Variants in ITGBL1 observed in about 807,000 individuals in gnomAD.
ITGBL1 encodes integrin subunit beta like 1.
Under a neutral mutation model 68.5 loss-of-function variants are expected in ITGBL1, and 51 were observed. The observed-to-expected ratio is 0.74, with a 90% CI of 0.59 to 0.94. The LOEUF (loss-of-function observed/expected upper bound fraction) is 0.94, where lower values mean the gene tolerates loss of function less well. ITGBL1 is among the 40% of genes least tolerant of loss of function. ITGBL1 has a pLI of 0.00. For synonymous variants in ITGBL1, 209 were observed against 227.3 expected (o/e 0.92, Z 0.72); for missense variants, 649 against 647.4 (o/e 1.00, Z -0.03).
intron 4 of ITGBL1, among the ~76,000 whole-genome samples, chr13:101,576,601 A>G (rs943180396): frequency 2.0e-5 from 3 of 152,172 alleles, no homozygotes; most frequent in African/African-American, 7.2e-5. Context: ...CTAGGGCCCA[A>G]TGGGGCCACG....
rs531542866 is a variant in ITGBL1, at chr13:101,598,721, T to C, written c.1015+422T>C. 6.6e-5 allele frequency among the ~76,000 whole-genome samples: 10 copies of C among 152,292 alleles called. No individual in the cohort carries two copies. The South Asian group carries it at 8.3e-4, about 13-fold the overall frequency. On this transcript the variant is annotated intron_variant, in intron 7 of 10. Coordinates refer to ENST00000376180, the MANE Select transcript of ITGBL1 (RefSeq NM_004791.3). ...TGTCCTTGCAATAGTTTGCTGAGAA[T>C]GATGGTTTCCAGTTTCATCCATGTC...
intron 5 of ITGBL1, among the ~76,000 whole-genome samples, chr13:101,582,238 A>G (rs991414058): frequency 1.3e-5 from 2 of 151,784 alleles, no homozygotes; most frequent in Non-Finnish European, 2.9e-5. Context: ...TTTTTTTTAC[A>G]GTGTTTTGTT....
intron 1 of ITGBL1, 100 bp from the exon 2 acceptor site, chr13:101,453,783 G>A: frequency 1.4e-6 from 1 of 712,310 alleles, no homozygotes; most frequent in Admixed American, 4.6e-5. Context: ...GGGGTTGTAC[G>A]TCTGCACCTG....
chr13:101,631,968 A>G (rs1385387356), intron 7 of ITGBL1, among the ~76,000 whole-genome samples: 2 of 152,136 alleles, frequency 1.3e-5, no homozygotes, highest in Non-Finnish European at 1.5e-5. Flanking sequence ...ATAGGAAACA[A>G]TTTGTTTTGA....
chr13:101,457,879 T>G (rs2048266667), intron 2 of ITGBL1, among the ~76,000 whole-genome samples: 1 of 152,176 alleles, frequency 6.6e-6, no homozygotes, highest in Non-Finnish European at 1.5e-5. Context: ...AAACTTTCAG[T>G]TGATATTTCT....
chr13:101,665,402 T>A (rs916164903), intron 7 of ITGBL1, among the ~76,000 whole-genome samples: 2 of 152,000 alleles, frequency 1.3e-5, no homozygotes, highest in Non-Finnish European at 2.9e-5. Flanking sequence ...GACATAATTT[T>A]AAAAATTTAT....
chr13:101,491,662 C>T (rs976151205), intron 2 of ITGBL1, among the ~76,000 whole-genome samples: 1 of 152,064 alleles, frequency 6.6e-6, no homozygotes, highest in African/African-American at 2.4e-5. Flanking sequence ...TGCTGGGATA[C>T]ATGAGCAGAA....
At chr13:101,483,570 A>G (rs1295726086) in intron 2 of ITGBL1, among the ~76,000 whole-genome samples, 1 of 152,212 alleles carries the variant, frequency 6.6e-6, no homozygotes, top group Non-Finnish European at 1.5e-5. Context: ...CCATTTTCCA[A>G]TGTCCTATTA....
At chr13:101,714,368 A>G in intron 9 of ITGBL1, 70 bp from the exon 10 acceptor site, 1 of 904,126 alleles carries the variant, frequency 1.1e-6, no homozygotes, top group Non-Finnish European at 1.9e-6. Context: ...CAGTGTGTCA[A>G]CGATATTCTA....
intron 2 of ITGBL1, among the ~76,000 whole-genome samples, chr13:101,499,296 T>C (rs1022766020): frequency 6.6e-6 from 1 of 152,206 alleles, no homozygotes; most frequent in Non-Finnish European, 1.5e-5. Flanking sequence ...AGACCAGGTG[T>C]TGCTGGATAT....
intron 7 of ITGBL1, among the ~76,000 whole-genome samples, chr13:101,687,420 T>C (rs1425361347): frequency 6.6e-6 from 1 of 152,084 alleles, no homozygotes; most frequent in Non-Finnish European, 1.5e-5. Flanking sequence ...TAAAGAGATT[T>C]AAATTAAGAG....
chr13:101,698,772 G>A (rs1230201396), intron 8 of ITGBL1, among the ~76,000 whole-genome samples: 1 of 152,206 alleles, frequency 6.6e-6, no homozygotes, highest in South Asian at 2.1e-4. Context: ...TCACATACTG[G>A]CACATGTGTG....
At chr13:101,493,722 A>G (rs2048814809) in intron 2 of ITGBL1, among the ~76,000 whole-genome samples, 1 of 152,178 alleles carries the variant, frequency 6.6e-6, no homozygotes, top group Non-Finnish European at 1.5e-5. Flanking sequence ...CCTGTAGAAC[A>G]TCTATCTCAT....
intron 9 of ITGBL1, among the ~76,000 whole-genome samples, chr13:101,707,882 TAAAC>T (rs887779366): frequency 6.7e-6 from 1 of 149,082 alleles, no homozygotes; most frequent in Non-Finnish European, 1.5e-5. Flanking sequence ...AGGTAATAAT[TAAAC>T]AAAGAAAACA....
At chr13:101,709,501 T>C (rs555074952) in intron 9 of ITGBL1, among the ~76,000 whole-genome samples, 2 of 150,372 alleles carry the variant, frequency 1.3e-5, no homozygotes, top group East Asian at 3.9e-4. Context: ...TATAAAAAGA[T>C]ACTGAGAATG....
Position 101,542,900 on chromosome 13 carries a change from CGTTTGCTTG to C in ITGBL1, c.317-24796_317-24788del, listed in dbSNP as rs537539272. Among the ~76,000 whole-genome samples, 903 of 151,580 alleles carry C rather than the reference CGTTTGCTTG, an allele frequency of 6.0e-3. 4 individuals carry two copies. Among genetic ancestry groups the C allele is most frequent in the African/African-American group, 0.021 (851 of 41,366 alleles). ...CAACCCCTGCCTTTTTTTTGTTTTCCGTTTGCTTGGTAGATCTTCTTCCATCCTTTTATT... is the reference window on the plus strand; with the variant it reads ...CAACCCCTGCCTTTTTTTTGTTTTCCGTAGATCTTCTTCCATCCTTTTATT... On this transcript the variant is annotated intron_variant, in intron 2 of 10. Coordinates refer to ENST00000376180, the MANE Select transcript of ITGBL1 (RefSeq NM_004791.3).
intron 2 of ITGBL1, among the ~76,000 whole-genome samples, chr13:101,465,139 C>T (rs925975276): frequency 4.6e-5 from 7 of 152,130 alleles, no homozygotes; most frequent in East Asian, 1.9e-4. Flanking sequence ...AAATGGTCCT[C>T]ATATTGTTAT....
downstream of ITGBL1, chr13:101,720,213 C>T (rs1186508782): frequency 6.6e-6 from 1 of 152,102 alleles, no homozygotes; most frequent in Admixed American, 6.6e-5. Flanking sequence ...TGCAGCTCAT[C>T]ATTGCTGTCC....
At chr13:101,671,440 T>TTTTG (rs2033365979) in intron 7 of ITGBL1, among the ~76,000 whole-genome samples, 1 of 93,812 alleles carries the variant, frequency 1.1e-5, no homozygotes, top group African/African-American at 4.7e-5. Flanking sequence ...TTTTTTTGTT[T>TTTTG]TTTTTTGTTT....
Sources: allele counts gnomAD v4.1 joint callset (sites outside exome capture counted in the v4.1 genomes callset), GRCh38; gene constraint gnomAD v4.1.1; transcripts MANE v1.5; gene names NCBI Gene and HGNC (gene_info 2026-07-23, HGNC 2026-07-21).